The following LAMC3 variants were observed in gnomAD, a reference collection of about 807,000 sequenced individuals.
LAMC3 encodes laminin subunit gamma 3.
Under a neutral mutation model 173.8 loss-of-function variants are expected in LAMC3, and 128 were observed. The ratio of observed to expected loss-of-function variants is 0.74; its 90% CI spans 0.64 to 0.85. LAMC3 has a LOEUF of 0.85. LAMC3 is among the 40% of genes least tolerant of loss of function. The pLI, the probability that LAMC3 is intolerant of heterozygous loss-of-function variation, is 0.00. For synonymous variants in LAMC3, 897 were observed against 909.1 expected (o/e 0.99, Z 0.24); for missense variants, 2,022 against 2,156.0 (o/e 0.94, Z 1.23).
At chr9:131,090,644 A>C (rs1175126045) in intron 27 of LAMC3, among the ~76,000 whole-genome samples, 1 of 152,080 alleles carries the variant, frequency 6.6e-6, no homozygotes, top group African/African-American at 2.4e-5. Context: ...CAATCCCAGC[A>C]CTTTGGGAGG....
At chr9:131,073,744 CA>C (rs1830076541) in intron 20 of LAMC3, among the ~76,000 whole-genome samples, 1 of 152,006 alleles carries the variant, frequency 6.6e-6, no homozygotes, top group South Asian at 2.1e-4. Context: ...GGATTTTCAT[CA>C]TCCCAAAAAC....
Position 131,067,172 on chromosome 9 carries a change from G to T in LAMC3, c.2560G>T (p.Ala854Ser). ...EHCQEGFYGS[A>S]LAPRPADKCM... ...CTGTCAGGAAGGCTTCTACGGGAGC[G>T]CCCTGGCCCCTCGACCCGCAGACAA... Residue 854 changes from alanine to serine, a missense_variant, in exon 14 of 28, where the codon GCC (alanine) becomes TCC (serine). Transcript: ENST00000361069. 6.2e-7 allele frequency: 1 copy of T among 1,614,032 alleles called. No homozygotes were observed. The highest frequency in any genetic ancestry group is 8.5e-7 in the Non-Finnish European group (1 of 1,180,004).
At chr9:131,036,396 A>T in intron 4 of LAMC3, 64 bp downstream of exon 4, 2 of 1,583,676 alleles carry the variant, frequency 1.3e-6, no homozygotes, top group South Asian at 1.1e-5. Flanking sequence ...GGGGAAAGGA[A>T]CTCCCCAAAA....
In LAMC3 at chr9:131,079,127, T is replaced by C. The variant is rs201853305; in HGVS notation, c.3778-22T>C. The stretch of plus-strand genomic sequence containing the variant: ...TTGCCCTTCCTTTCCAGGCCCTGCC[T>C]GAGCGCATTGTCTCCCTGCAGCCTC... On this transcript the variant is annotated intron_variant, in intron 22 of 27. Coordinates refer to ENST00000361069, the MANE Select transcript of LAMC3 (RefSeq NM_006059.4). 109 of 1,611,016 alleles carry C rather than the reference T, an allele frequency of 6.8e-5. 1 individual carries two copies. The African/African-American group carries it at 1.2e-3, about 18-fold the overall frequency.
chr9:131,058,557 G>A (rs1164645948), intron 12 of LAMC3, among the ~76,000 whole-genome samples: 1 of 152,112 alleles, frequency 6.6e-6, no homozygotes, highest in African/African-American at 2.4e-5. Context: ...CCCAGAGCAG[G>A]TGGGGGCTGT....
chr9:131,032,869 T>C (rs570132589), intron 3 of LAMC3, among the ~76,000 whole-genome samples: 1 of 152,168 alleles, frequency 6.6e-6, no homozygotes, highest in Non-Finnish European at 1.5e-5. Flanking sequence ...GGTTTCTCCA[T>C]GTTGGTCAGG....
chr9:131,073,801 C>T (rs1830077567), intron 20 of LAMC3, among the ~76,000 whole-genome samples: 1 of 152,152 alleles, frequency 6.6e-6, no homozygotes, highest in South Asian at 2.1e-4. Flanking sequence ...CTCCTTACCT[C>T]CCCAGCCCCT....
intron 2 of LAMC3, among the ~76,000 whole-genome samples, chr9:131,028,443 G>C (rs538758089): frequency 2.2e-4 from 33 of 152,308 alleles, no homozygotes; most frequent in African/African-American, 7.5e-4. Context: ...GAGGGAACCA[G>C]GGTTAGAATC....
At chr9:131,081,683 C>T (rs1830245372) in intron 23 of LAMC3, among the ~76,000 whole-genome samples, 1 of 152,160 alleles carries the variant, frequency 6.6e-6, no homozygotes, top group South Asian at 2.1e-4. Context: ...CCATGTTGGC[C>T]AGGCTGGTCT....
rs376347098 is a variant in LAMC3, at chr9:131,085,632, C to T, written c.4139C>T (p.Ala1380Val). 14 of 1,614,010 alleles carry T rather than the reference C, an allele frequency of 8.7e-6. No homozygotes were observed. The highest frequency in any genetic ancestry group is 2.2e-5 in the East Asian group (1 of 44,880). ...GACACGAGAAAGAAGACCAAGCAGG[C>T]GGAGAGGATGCTGGGAAACGCGGCC... ...LADTRKKTKQ[A>V]ERMLGNAAPL... Residue 1380 changes from alanine (A) to valine (V), a missense_variant, in exon 25 of 28, where the codon GCG (alanine) becomes GTG (valine). Ala to Val is a moderately conservative substitution (Grantham distance 64, BLOSUM62 0). Transcript: ENST00000361069.
intron 2 of LAMC3, among the ~76,000 whole-genome samples, chr9:131,030,351 C>G (rs887688583): frequency 1.3e-5 from 2 of 152,208 alleles, no homozygotes; most frequent in African/African-American, 4.8e-5. Context: ...CCTTTGTGGT[C>G]ATTGTCCTTG....
At chr9:131,012,137 G>A (rs1358504134) in intron 1 of LAMC3, among the ~76,000 whole-genome samples, 2 of 151,564 alleles carry the variant, frequency 1.3e-5, no homozygotes, top group Non-Finnish European at 2.9e-5. Flanking sequence ...CTGTTTTGTC[G>A]CCGAAAACCA....
At chr9:131,087,653 C>G in intron 26 of LAMC3, 31 bp downstream of exon 26, 1 of 1,613,806 alleles carries the variant, frequency 6.2e-7, no homozygotes, top group Non-Finnish European at 8.5e-7. Context: ...ACCCTATCGC[C>G]TCCTGCCCCT....
rs965287447 is a variant in LAMC3 at position 131,091,890 on chromosome 9, C to T, written c.*103C>T. On this transcript the variant is annotated 3_prime_UTR_variant, in exon 28 of 28. Coordinates refer to ENST00000361069, the MANE Select transcript of LAMC3 (RefSeq NM_006059.4). ...GTGCCCATACAGACATTCCCCGGAG[C>T]CGGCTGCTGTGAACTCGCCCCCGTG... 12 of 1,435,558 alleles carry T rather than the reference C, an allele frequency of 8.4e-6. No homozygotes were observed. The African/African-American group carries it at 1.4e-4, about 17-fold the overall frequency. 88.9% of individuals were successfully genotyped at this position (1,435,558 alleles called of 1,614,324 possible).
At chr9:131,049,262 G>T in intron 9 of LAMC3, 132 bp downstream of exon 9, 1 of 705,346 alleles carries the variant, frequency 1.4e-6, no homozygotes, top group Non-Finnish European at 2.6e-6. Context: ...TCAGAAATAG[G>T]TCTCTCGGAG....
intron 9 of LAMC3, among the ~76,000 whole-genome samples, chr9:131,052,209 C>T (rs559586659): frequency 2.0e-4 from 31 of 152,238 alleles, no homozygotes; most frequent in Non-Finnish European, 3.2e-4. Flanking sequence ...CCTCGGACTC[C>T]GTGTTCCATC....
rs536788389 is a variant in LAMC3, at chr9:131,054,513, G to A, written c.1939+1548G>A. Reference sequence around the variant, plus strand: ...TCACGCCTGTAATCCCAGCTCTTTGGGAGGCTGAGGCGGGCGGATCACTTG... The same window carrying A: ...TCACGCCTGTAATCCCAGCTCTTTGAGAGGCTGAGGCGGGCGGATCACTTG... On this transcript the variant is annotated intron_variant, in intron 11 of 27. Transcript: ENST00000361069. Among the ~76,000 whole-genome samples the A allele has an allele frequency of 2.1e-4, 32 of 152,304 alleles. 1 individual carries two copies. Among genetic ancestry groups the A allele is most frequent in the African/African-American group, 7.5e-4 (31 of 41,572 alleles).
At position 131,036,232 on chromosome 9, in the gene LAMC3, C is replaced by T. The variant is rs1220796180; in HGVS notation, c.876C>T (p.Cys292=). 1 of 1,612,972 alleles carries T rather than the reference C, an allele frequency of 6.2e-7. No homozygotes were observed. Among genetic ancestry groups the T allele is most frequent in the Admixed American group, 1.7e-5 (1 of 59,982 alleles). The change falls in exon 4 of 28, where the codon TGC becomes TGT. Residue 292 remains cysteine (C), a synonymous_variant. Coordinates refer to ENST00000361069, the MANE Select transcript of LAMC3 (RefSeq NM_006059.4). The part of the protein sequence containing the change: ...PDVAGQLACR[C]QHNTTGTDCE... ...TGGCAGGCCAGTTGGCCTGCCGGTG[C>T]CAGCACAACACCACCGGCACAGACT...
intron 1 of LAMC3, among the ~76,000 whole-genome samples, chr9:131,022,069 C>T (rs1009320247): frequency 6.6e-6 from 1 of 152,100 alleles, no homozygotes; most frequent in Non-Finnish European, 1.5e-5. Context: ...GTCTTAAGAC[C>T]CACGGTCAGA....
Sources: gnomAD v4.1 joint callset for allele counts (sites outside exome capture counted in the v4.1 genomes callset) on GRCh38, gnomAD v4.1.1 for gene constraint, MANE v1.5 for transcripts, NCBI Gene and HGNC (gene_info 2026-07-23, HGNC 2026-07-21) for gene names.